The following ZNF687 variants were observed in gnomAD, a reference collection of about 807,000 sequenced individuals.
The protein encoded by ZNF687 is zinc finger protein 687.
Under a neutral mutation model 71.8 loss-of-function variants are expected in ZNF687, and 13 were observed. That is an observed-to-expected ratio of 0.18 (90% CI 0.12 to 0.29). ZNF687 has a LOEUF of 0.29. Among genes scored for constraint, ZNF687 ranks in the 10% least tolerant of loss-of-function variants. ZNF687 has a pLI of 1.00. For synonymous variants in ZNF687, 673 were observed against 641.6 expected (o/e 1.05, Z -0.74); for missense variants, 1,412 against 1,625.6 (o/e 0.87, Z 2.26).
At position 151,291,041 on chromosome 1, in the gene ZNF687, A is replaced by G; in HGVS notation, c.3546A>G (p.Ser1182=). The G allele has an allele frequency of 1.2e-6, 2 of 1,613,830 alleles. No homozygotes were observed. The highest frequency in any genetic ancestry group is 1.1e-5 in the South Asian group (1 of 91,082). The change falls in exon 9 of 9, where the codon TCA becomes TCG. Residue 1182 remains serine, a synonymous_variant. Transcript: ENST00000336715. The part of the protein sequence containing the change: ...LGDGEEEAPP[S]RSDPDGGDSP... ...ATGGGGAGGAAGAGGCCCCTCCATC[A>G]AGGTCTGACCCCGATGGTGGAGACT...
At position 151,290,829 on chromosome 1, in the gene ZNF687, C is replaced by T; in HGVS notation, c.3334C>T (p.Leu1112=). 1.2e-6 allele frequency: 2 copies of T among 1,613,996 alleles called. No individual in the cohort carries two copies. The highest frequency in any genetic ancestry group is 1.1e-5 in the South Asian group (1 of 91,080). ...GGPGSGGHGP[L]RYRSSSSTEQ... is the part of the protein sequence containing the mutation. Reference sequence around the variant, plus strand: ...ACCTGGATCTGGAGGCCATGGCCCTCTGCGCTACCGGAGCAGCAGCTCCAC... The same window carrying T: ...ACCTGGATCTGGAGGCCATGGCCCTTTGCGCTACCGGAGCAGCAGCTCCAC... Residue 1112 remains leucine, a synonymous_variant, in exon 9 of 9, where the codon CTG becomes TTG. Coordinates refer to ENST00000336715, the MANE Select transcript of ZNF687 (RefSeq NM_020832.3).
In ZNF687 at chr1:151,291,363, C is replaced by G. The variant is rs958809718; in HGVS notation, c.*154C>G. On this transcript the variant is annotated 3_prime_UTR_variant, in exon 9 of 9. Transcript: ENST00000336715. ...AGAAGAAGAGCATTTGAGGATTATTCTAGTTATTTGCAACCTCCCTTTGGG... is the reference window on the plus strand; with the variant it reads ...AGAAGAAGAGCATTTGAGGATTATTGTAGTTATTTGCAACCTCCCTTTGGG... 3.3e-5 allele frequency: 37 copies of G among 1,126,256 alleles called. No homozygotes were observed. Among genetic ancestry groups the G allele is most frequent in the Non-Finnish European group, 4.4e-5 (36 of 820,110 alleles). 69.8% of individuals were successfully genotyped at this position (1,126,256 alleles called of 1,614,324 possible).
At chr1:151,283,746 C>T in intron 1 of ZNF687, 1 of 870,722 alleles carries the variant, frequency 1.1e-6, no homozygotes, top group South Asian at 5.2e-5. Flanking sequence ...AACCCAGATT[C>T]TGCAGAATTG....
At chr1:151,282,043 TG>T, upstream of ZNF687, 1 of 1,279,400 alleles carries the variant, frequency 7.8e-7, no homozygotes, top group Non-Finnish European at 1.0e-6. Context: ...GACTCGTAGA[TG>T]GGGCAGACGG....
At chr1:151,288,900 T>C (rs1323251773) in intron 3 of ZNF687, among the ~76,000 whole-genome samples, 194 bp downstream of exon 3, 1 of 152,228 alleles carries the variant, frequency 6.6e-6, no homozygotes, top group Non-Finnish European at 1.5e-5. Flanking sequence ...GGGCCACCTC[T>C]GGAGCTCCAG....
rs747212218 is a variant in ZNF687 at position 151,287,948 on chromosome 1, G to A, written c.1657G>A (p.Asp553Asn). ...SLEKSLARHY[D>N]RRSMRIEVTC... Reference sequence around the variant, plus strand: ...GGAGAAGAGCCTGGCACGGCACTATGACCGTCGGAGCATGCGCATCGAGGT... The same window carrying A: ...GGAGAAGAGCCTGGCACGGCACTATAACCGTCGGAGCATGCGCATCGAGGT... The change falls in exon 2 of 9, where the codon GAC becomes AAC. Residue 553 changes from aspartate to asparagine, a missense_variant. Asp to Asn is a conservative substitution (Grantham distance 23, BLOSUM62 1). This residue lies in a region of ZNF687 where 50 missense variants were observed against 106.6 expected (regional missense o/e 0.47). Transcript: ENST00000336715. This position sits in a 1 kb window ranked among gnomAD's most constrained non-coding sequence, Gnocchi z 5.0. 7 of 1,613,728 alleles carry A rather than the reference G, an allele frequency of 4.3e-6. No individual in the cohort carries two copies. In the East Asian group the frequency reaches 1.3e-4, roughly 31 times the overall value.
chr1:151,290,106 A>C lies in ZNF687; in HGVS notation c.2965-16A>C, dbSNP rs775981804. ...GTCCTGGAGCCTGGCTCTGACATCT[A>C]CCCCTGCTCTCCTAGTCAGTGAAAA... On this transcript the variant is annotated splice_polypyrimidine_tract_variant and intron_variant, in intron 6 of 8. Coordinates refer to ENST00000336715, the MANE Select transcript of ZNF687 (RefSeq NM_020832.3). 1.2e-5 allele frequency: 19 copies of C among 1,613,452 alleles called. No individual in the cohort carries two copies. The Admixed American group carries it at 3.2e-4, about 27-fold the overall frequency.
rs147072139 is a variant in ZNF687 at position 151,290,144 on chromosome 1, G to A, written c.2987G>A (p.Arg996His). Reference protein sequence around the residue: ...HGKSVKKFPCRLCERSFCSAP... With the variant: ...HGKSVKKFPCHLCERSFCSAP... ...TAGTCAGTGAAAAAGTTCCCCTGTC[G>A]CCTGTGTGAGCGCTCCTTCTGCTCC... is the stretch of plus-strand genomic sequence containing the variant. The change falls in exon 7 of 9, where the codon CGC becomes CAC. Residue 996 changes from arginine to histidine, a missense_variant. Around this residue, in one of 8 missense-constraint regions of ZNF687, gnomAD observed 284 missense variants for 359.2 expected, o/e 0.79. Coordinates refer to ENST00000336715, the MANE Select transcript of ZNF687 (RefSeq NM_020832.3). The A allele has an allele frequency of 1.7e-5, 27 of 1,613,896 alleles. No individual in the cohort carries two copies. The highest frequency in any genetic ancestry group is 6.7e-5 in the Admixed American group (4 of 60,008).
intron 1 of ZNF687, among the ~76,000 whole-genome samples, chr1:151,284,919 C>T (rs1011330838): frequency 7.3e-5 from 11 of 150,326 alleles, no homozygotes; most frequent in African/African-American, 2.5e-4. Flanking sequence ...AGGGGATCCT[C>T]CCATGTCAGC....
At position 151,288,623 on chromosome 1, in the gene ZNF687, G is replaced by C; in HGVS notation, c.2211G>C (p.Glu737Asp). ...ATCGACCCCCCCATGTCTGTCCTGA[G>C]TGTGGGGGCAACTTCCTGCAAGCCA... ...HKNRPPHVCP[E>D]CGGNFLQANF... The change falls in exon 3 of 9, where the codon GAG becomes GAC. Residue 737 changes from glutamate (E) to aspartate (D), a missense_variant. Coordinates refer to ENST00000336715, the MANE Select transcript of ZNF687 (RefSeq NM_020832.3). 6.2e-7 allele frequency: 1 copy of C among 1,614,156 alleles called. No homozygotes were observed. The highest frequency in any genetic ancestry group is 8.5e-7 in the Non-Finnish European group (1 of 1,180,026).
chr1:151,285,471 T>A (rs7366902), intron 1 of ZNF687: 2 of 152,068 alleles, frequency 1.3e-5, no homozygotes, highest in African/African-American at 4.8e-5. Context: ...GGGAGTGCAG[T>A]GGCACGATCT....
upstream of ZNF687, chr1:151,281,588 C>G: frequency 2.1e-6 from 1 of 471,212 alleles, no homozygotes. Flanking sequence ...GTGCCCCGTC[C>G]ACGCCCTCCC....
upstream of ZNF687, chr1:151,281,584 C>T (rs1366416041): frequency 6.4e-6 from 3 of 471,230 alleles, no homozygotes; most frequent in Middle Eastern, 9.8e-4. Context: ...TCCCGTGCCC[C>T]GTCCACGCCC....
rs1694333600 is a variant in ZNF687, at chr1:151,292,174, A to G, written c.*965A>G. 1 of 152,330 alleles carries G rather than the reference A, an allele frequency of 6.6e-6. No homozygotes were observed. The highest frequency in any genetic ancestry group is 2.1e-4 in the South Asian group (1 of 4,834). 9.4% of individuals were successfully genotyped at this position (152,330 alleles called of 1,614,324 possible). On this transcript the variant is annotated 3_prime_UTR_variant, in exon 9 of 9. Transcript: ENST00000336715. Reference sequence around the variant, plus strand: ...ATTTCAAACAAAAATTAAAAATAAAAAATTGAGAGCTCTTTTCCCTGGGTT... The same window carrying G: ...ATTTCAAACAAAAATTAAAAATAAAGAATTGAGAGCTCTTTTCCCTGGGTT...
Position 151,291,341 on chromosome 1 carries a change from A to G in ZNF687, c.*132A>G, listed in dbSNP as rs977420008. The G allele has an allele frequency of 1.5e-4, 189 of 1,239,314 alleles. No individual in the cohort carries two copies. Among genetic ancestry groups the G allele is most frequent in the Non-Finnish European group, 1.7e-4 (153 of 918,674 alleles). 76.8% of individuals were successfully genotyped at this position (1,239,314 alleles called of 1,614,324 possible). A position where few individuals can be genotyped will look rare whatever the true frequency, so the allele number is the denominator to read the frequency against. The stretch of plus-strand genomic sequence containing the variant: ...AATTCCTGTCTCTCCAACCTGAAGA[A>G]GAAGAGCATTTGAGGATTATTCTAG... On this transcript the variant is annotated 3_prime_UTR_variant, in exon 9 of 9. Transcript: ENST00000336715.
chr1:151,286,638 G>A lies in ZNF687; in HGVS notation c.347G>A (p.Gly116Glu). The A allele has an allele frequency of 1.2e-6, 2 of 1,614,186 alleles. No individual in the cohort carries two copies. Among genetic ancestry groups the A allele is most frequent in the East Asian group, 2.2e-5 (1 of 44,878 alleles). The change falls in exon 2 of 9, where the codon GGG (glycine) becomes GAG (glutamate). Residue 116 changes from glycine (G) to glutamate (E), a missense_variant. Physicochemically the swap from Gly to Glu is moderately conservative, Grantham distance 98 (BLOSUM62 -2). Coordinates refer to ENST00000336715, the MANE Select transcript of ZNF687 (RefSeq NM_020832.3). ...CAGGCTGCTGGGGTAACTAAAGAAGGGCCTGTGGGGCCTCATCGAATGCAG... is the reference window on the plus strand; with the variant it reads ...CAGGCTGCTGGGGTAACTAAAGAAGAGCCTGTGGGGCCTCATCGAATGCAG... ...GAQAAGVTKE[G>E]PVGPHRMQNG...
In ZNF687 at chr1:151,292,048, T is replaced by TATC. The variant is rs1457313573; in HGVS notation, c.*840_*842dup. On this transcript the variant is annotated 3_prime_UTR_variant, in exon 9 of 9. Transcript: ENST00000336715. ...GCAAACTTCTATGTAGTGCCTTTTGTATCTTGGACACTGAGGCATCCGTTC... is the reference window on the plus strand; with the variant it reads ...GCAAACTTCTATGTAGTGCCTTTTGTATCATCTTGGACACTGAGGCATCCGTTC... The TATC allele has an allele frequency of 6.6e-6, 1 of 152,160 alleles. No individual in the cohort carries two copies. The highest frequency in any genetic ancestry group is 6.5e-5 in the Admixed American group (1 of 15,268). The allele number at this position is 152,160 out of a possible 1,614,324, so 9.4% of individuals were successfully genotyped here.
In ZNF687 at chr1:151,291,841, T is replaced by TAAC. The variant is rs1553185747; in HGVS notation, c.*635_*637dup. Reference sequence around the variant, plus strand: ...TTTATTCTTGTAGTAATAATAATACTAACAAACAGTTGGGGAACTAGGGAG... The same window carrying TAAC: ...TTTATTCTTGTAGTAATAATAATACTAACAACAAACAGTTGGGGAACTAGGGAG... On this transcript the variant is annotated 3_prime_UTR_variant, in exon 9 of 9. Coordinates refer to ENST00000336715, the MANE Select transcript of ZNF687 (RefSeq NM_020832.3). 6.6e-6 allele frequency: 1 copy of TAAC among 152,512 alleles called. No individual in the cohort carries two copies. Among genetic ancestry groups the TAAC allele is most frequent in the African/African-American group, 2.4e-5 (1 of 41,422 alleles). The allele number at this position is 152,512 out of a possible 1,614,324, so 9.4% of individuals were successfully genotyped here. A position where few individuals can be genotyped will look rare whatever the true frequency, so the allele number is the denominator to read the frequency against.
At position 151,291,188 on chromosome 1, in the gene ZNF687, G is replaced by T; in HGVS notation, c.3693G>T (p.Gln1231His). ...THGMAFIRAR[Q>H]GAVGDN ...GCATGGCGTTCATCAGGGCTCGGCA[G>T]GGGGCTGTTGGGGACAACTAGTCTC... The change falls in exon 9 of 9, where the codon CAG becomes CAT. Residue 1231 changes from glutamine to histidine, a missense_variant. Physicochemically the swap from Gln to His is conservative, Grantham distance 24. Around this residue, in one of 8 missense-constraint regions of ZNF687, gnomAD observed 284 missense variants for 359.2 expected, o/e 0.79. Coordinates refer to ENST00000336715, the MANE Select transcript of ZNF687 (RefSeq NM_020832.3). The T allele has an allele frequency of 1.2e-6, 2 of 1,611,012 alleles. No individual in the cohort carries two copies. Among genetic ancestry groups the T allele is most frequent in the South Asian group, 1.1e-5 (1 of 90,986 alleles).
Sources: gnomAD v4.1 joint callset for allele counts (sites outside exome capture counted in the v4.1 genomes callset) on GRCh38, gnomAD v4.1.1 for gene constraint, gnomAD v4.1.1 regional missense constraint, Gnocchi (gnomAD v3.1) non-coding constraint, MANE v1.5 for transcripts, NCBI Gene and HGNC (gene_info 2026-07-23, HGNC 2026-07-21) for gene names.